LHFPL3: variants seen among roughly 807,000 people sequenced by gnomAD.
The protein encoded by LHFPL3 is LHFPL tetraspan subfamily member 3 protein.
LHFPL3 carries 5 observed loss-of-function variants against 19.3 expected under a neutral mutation model. The ratio of observed to expected loss-of-function variants is 0.26; its 90% CI spans 0.14 to 0.54. The LOEUF (loss-of-function observed/expected upper bound fraction) is 0.54, where lower values mean the gene tolerates loss of function less well. LHFPL3 is among the 20% of genes least tolerant of loss of function. The pLI is 0.94. For missense variants in LHFPL3, 249 were observed against 307.4 expected, an observed-to-expected ratio of 0.81 and a Z score of 1.42; for synonymous variants, 133 against 126.2, an observed-to-expected ratio of 1.05 and a Z score of -0.36.
In LHFPL3 at chr7:104,444,204, G is replaced by T. The variant is rs1792282455; in HGVS notation, c.445+114980G>T. Among the ~76,000 whole-genome samples, 5 of 152,206 alleles carry T rather than the reference G, an allele frequency of 3.3e-5. No individual in the cohort carries two copies. The South Asian group carries it at 1.0e-3, about 32-fold the overall frequency. ...GTAACCAGCAGAGCAGCTGTAACAT[G>T]CCTACAGAGTGACTTCACTATTCAT... On this transcript the variant is annotated intron_variant, in intron 1 of 2. Coordinates refer to ENST00000424859, the MANE Select transcript of LHFPL3 (RefSeq NM_199000.3).
chr7:104,710,867 TCAA>T (rs1197636079), intron 1 of LHFPL3, among the ~76,000 whole-genome samples: 2 of 152,246 alleles, frequency 1.3e-5, no homozygotes, highest in African/African-American at 4.8e-5. Context: ...TTTCTTTTCT[TCAA>T]CATTTGTTCA....
chr7:104,609,286 A>C (rs1791167800), intron 1 of LHFPL3, among the ~76,000 whole-genome samples: 1 of 152,056 alleles, frequency 6.6e-6, no homozygotes, highest in South Asian at 2.1e-4. Context: ...AAGAAAAAAA[A>C]AGTTAGCCAC....
chr7:104,672,952 A>G (rs1407981597), intron 1 of LHFPL3, among the ~76,000 whole-genome samples: 1 of 149,798 alleles, frequency 6.7e-6, no homozygotes, highest in East Asian at 1.9e-4. Flanking sequence ...TTCTCAGATG[A>G]CTCTCTCAAT....
chr7:104,694,766 A>G (rs1237171067), intron 1 of LHFPL3, among the ~76,000 whole-genome samples: 1 of 152,256 alleles, frequency 6.6e-6, no homozygotes, highest in East Asian at 1.9e-4. Context: ...CAGATATATT[A>G]GAGAAGGAAT....
At chr7:104,796,520 A>G (rs1790131598) in intron 2 of LHFPL3, 1 of 152,198 alleles carries the variant, frequency 6.6e-6, no homozygotes, top group Non-Finnish European at 1.5e-5. Context: ...AAGTAAATCT[A>G]TATTTTATTT....
In LHFPL3 at chr7:104,399,507, G is replaced by A. The variant is rs1791267638; in HGVS notation, c.445+70283G>A. Among the ~76,000 whole-genome samples, 1 of 151,824 alleles carries A rather than the reference G, an allele frequency of 6.6e-6. No homozygotes were observed. Among genetic ancestry groups the A allele is most frequent in the South Asian group, 2.1e-4 (1 of 4,818 alleles). On this transcript the variant is annotated intron_variant, in intron 1 of 2. Coordinates refer to ENST00000424859, the MANE Select transcript of LHFPL3 (RefSeq NM_199000.3). This position sits in a 1 kb window ranked among gnomAD's most constrained non-coding sequence, Gnocchi z 4.4. ...CTTGCTCTGTTGCCCAGGCTGGCAG[G>A]CTGGAGTGCAGTGGCGCAGTCTTGG...
At chr7:104,903,617 C>T (rs1792537015) in intron 2 of LHFPL3, among the ~76,000 whole-genome samples, 1 of 152,040 alleles carries the variant, frequency 6.6e-6, no homozygotes, top group African/African-American at 2.4e-5. Flanking sequence ...AGGTGCCTGC[C>T]ACCATGCCTA....
At chr7:104,894,111 C>G (rs73419704) in intron 2 of LHFPL3, among the ~76,000 whole-genome samples, 1,632 of 152,218 alleles carry the variant, frequency 0.011, 26 homozygotes, top group African/African-American at 0.036. Flanking sequence ...AAGTAAAACA[C>G]CCAACAAACA....
At chr7:104,378,098 T>C (rs1160333962) in intron 1 of LHFPL3, among the ~76,000 whole-genome samples, 1 of 152,248 alleles carries the variant, frequency 6.6e-6, no homozygotes, top group East Asian at 1.9e-4. Context: ...TAGAGTTTTA[T>C]TTCATTTTTT....
chr7:104,809,193 C>A (rs1020354320), intron 2 of LHFPL3, among the ~76,000 whole-genome samples: 1 of 152,180 alleles, frequency 6.6e-6, no homozygotes, highest in Non-Finnish European at 1.5e-5. Flanking sequence ...CGTGCCCAGC[C>A]GGATCTTGGA....
At chr7:104,805,055 G>T (rs748903144) in intron 2 of LHFPL3, among the ~76,000 whole-genome samples, 4 of 152,200 alleles carry the variant, frequency 2.6e-5, no homozygotes, top group Non-Finnish European at 5.9e-5. Context: ...CAGCCAGAGG[G>T]CTCCCCTCAG....
At chr7:104,475,698 C>T (rs142548712) in intron 1 of LHFPL3, among the ~76,000 whole-genome samples, 7 of 152,216 alleles carry the variant, frequency 4.6e-5, no homozygotes, top group Non-Finnish European at 8.8e-5. Flanking sequence ...TTCACAAAGT[C>T]CCTGAGTAGT....
Position 104,328,609 on chromosome 7 carries a change from C to A in LHFPL3, c.-171C>A, listed in dbSNP as rs965080895. ...AGCCGGAGGGGTGCTCCGCGCTCCC[C>A]CGCCCTCCTTCCGGGAGCGAGGATG... On this transcript the variant is annotated 5_prime_UTR_variant, in exon 1 of 3. Coordinates refer to ENST00000424859, the MANE Select transcript of LHFPL3 (RefSeq NM_199000.3). This position sits in a 1 kb window ranked among gnomAD's most constrained non-coding sequence, Gnocchi z 4.6. The A allele has an allele frequency of 2.8e-5, 18 of 643,198 alleles. No homozygotes were observed. The highest frequency in any genetic ancestry group is 4.0e-5 in the Non-Finnish European group (15 of 374,656). The allele number at this position is 643,198 out of a possible 1,614,324, so 39.8% of individuals were successfully genotyped here. A position where few individuals can be genotyped will look rare whatever the true frequency, so the allele number is the denominator to read the frequency against.
At chr7:104,657,813 A>G (rs1792147210) in intron 1 of LHFPL3, among the ~76,000 whole-genome samples, 1 of 152,196 alleles carries the variant, frequency 6.6e-6, no homozygotes, top group African/African-American at 2.4e-5. Context: ...TTCCCACTCT[A>G]TTGAAAACTT....
chr7:104,859,669 A>AAAAT (rs1488301923), intron 2 of LHFPL3, among the ~76,000 whole-genome samples: 11 of 152,186 alleles, frequency 7.2e-5, no homozygotes, highest in Middle Eastern at 3.2e-3. Context: ...ACCCCATCTC[A>AAAAT]AAATAAATAA....
At chr7:104,625,110 C>T (rs117217554) in intron 1 of LHFPL3, among the ~76,000 whole-genome samples, 2 of 152,306 alleles carry the variant, frequency 1.3e-5, no homozygotes, top group East Asian at 1.9e-4. Flanking sequence ...AACATCTCTG[C>T]AAATCATATG....
At chr7:104,841,490 T>TA (rs1791204696) in intron 2 of LHFPL3, among the ~76,000 whole-genome samples, 1 of 144,946 alleles carries the variant, frequency 6.9e-6, no homozygotes, top group East Asian at 2.0e-4. Flanking sequence ...ATGCATTATG[T>TA]GGGGTGTGTG....
chr7:104,835,107 A>G lies in LHFPL3; in HGVS notation c.683-71080A>G, dbSNP rs543470735. ...CCTGAGTTCAAGTCCTGACACTTCT[A>G]TTTACCAGCTGCGTAGCCTTGGGTG... On this transcript the variant is annotated intron_variant, in intron 2 of 2. Coordinates refer to ENST00000424859, the MANE Select transcript of LHFPL3 (RefSeq NM_199000.3). 1.4e-3 allele frequency among the ~76,000 whole-genome samples: 213 copies of G among 151,904 alleles called. 6 individuals carry two copies. The highest frequency in any genetic ancestry group is 4.9e-3 in the African/African-American group (203 of 41,232).
At chr7:104,691,294 C>T (rs1293330711) in intron 1 of LHFPL3, among the ~76,000 whole-genome samples, 1 of 152,178 alleles carries the variant, frequency 6.6e-6, no homozygotes, top group African/African-American at 2.4e-5. Flanking sequence ...GCTCAAATGC[C>T]CATTGTCCCT....
Sources: gnomAD v4.1 joint callset for allele counts (sites outside exome capture counted in the v4.1 genomes callset) on GRCh38, gnomAD v4.1.1 for gene constraint, Gnocchi (gnomAD v3.1) non-coding constraint, MANE v1.5 for transcripts, NCBI Gene and HGNC (gene_info 2026-07-23, HGNC 2026-07-21) for gene names.